MFHAS1: variants seen among roughly 807,000 people sequenced by gnomAD.
MFHAS1 encodes the protein multifunctional ROCO family signaling regulator 1.
MFHAS1 carries 50 observed loss-of-function variants against 70.4 expected under a neutral mutation model. That is an observed-to-expected ratio of 0.71 (90% CI 0.57 to 0.90). The LOEUF is 0.90. MFHAS1 is among the 40% of genes least tolerant of loss of function. MFHAS1 has a pLI of 0.00. For missense variants in MFHAS1, 1,795 were observed against 1,347.6 expected, an observed-to-expected ratio of 1.33 and a Z score of -5.20; for synonymous variants, 952 against 620.0, an observed-to-expected ratio of 1.54 and a Z score of -7.96.
At chr8:8,851,906 G>GA in intron 1 of MFHAS1, among the ~76,000 whole-genome samples, 1 of 152,134 alleles carries the variant, frequency 6.6e-6, no homozygotes, top group East Asian at 1.9e-4. Flanking sequence ...TGGTGACAGA[G>GA]AAAAAATGTT....
chr8:8,880,089 G>T (rs1025013032), intron 1 of MFHAS1, among the ~76,000 whole-genome samples: 1 of 152,188 alleles, frequency 6.6e-6, no homozygotes, highest in East Asian at 1.9e-4. Context: ...AACAGACCAG[G>T]AGGCTTGGAT....
In MFHAS1 at chr8:8,891,313, C is replaced by A; in HGVS notation, c.1746G>T (p.Arg582=). 6.2e-7 allele frequency: 1 copy of A among 1,611,336 alleles called. No homozygotes were observed. The change falls in exon 1 of 3, where the codon CGG becomes CGT. Residue 582 remains arginine, a synonymous_variant. Transcript: ENST00000276282. The surrounding 1 kb of genome is among the most constrained non-coding windows in gnomAD (Gnocchi z 5.4). ...GGCTGGCAGAGCGCAGCTCGAAGTC[C>A]CGGGCCAGTGCCTCGTCCACCACCT... ...LAKVVDEALA[R]DFELRSASPH...
intron 1 of MFHAS1, among the ~76,000 whole-genome samples, chr8:8,879,658 A>G (rs945392624): frequency 1.3e-5 from 2 of 152,164 alleles, no homozygotes; most frequent in African/African-American, 2.4e-5. Flanking sequence ...CCCCAAAGTA[A>G]CATTCAAATA....
intron 1 of MFHAS1, among the ~76,000 whole-genome samples, chr8:8,854,169 G>A (rs1424219139): frequency 6.6e-6 from 1 of 152,068 alleles, no homozygotes; most frequent in African/African-American, 2.4e-5. Context: ...GGCCAAGGTG[G>A]CAGGATGACT....
intron 1 of MFHAS1, among the ~76,000 whole-genome samples, chr8:8,810,753 T>C (rs1318449352): frequency 6.6e-6 from 1 of 152,224 alleles, no homozygotes; most frequent in African/African-American, 2.4e-5. Context: ...AAATGTTATA[T>C]GTGGATGTGA....
At chr8:8,816,911 T>C (rs1297991750) in intron 1 of MFHAS1, among the ~76,000 whole-genome samples, 1 of 152,234 alleles carries the variant, frequency 6.6e-6, no homozygotes, top group Non-Finnish European at 1.5e-5. Context: ...AAGACATATA[T>C]AAGCGTGGCT....
chr8:8,814,862 T>C (rs1480344688), intron 1 of MFHAS1, among the ~76,000 whole-genome samples: 3 of 151,476 alleles, frequency 2.0e-5, no homozygotes, highest in Admixed American at 6.6e-5. Context: ...TTTTTTTTTT[T>C]TTTTTCTTAT....
intron 1 of MFHAS1, among the ~76,000 whole-genome samples, chr8:8,815,266 T>C (rs940469366): frequency 7.9e-5 from 12 of 152,206 alleles, no homozygotes; most frequent in Non-Finnish European, 1.3e-4. Context: ...CAGTCTATCA[T>C]TGATGGGCAT....
intron 1 of MFHAS1, among the ~76,000 whole-genome samples, chr8:8,823,560 T>C (rs1807044429): frequency 6.6e-6 from 1 of 151,970 alleles, no homozygotes; most frequent in Admixed American, 6.6e-5. Flanking sequence ...TGTAAAAATA[T>C]ATTTTCTACT....
intron 1 of MFHAS1, among the ~76,000 whole-genome samples, chr8:8,848,320 C>T (rs1295176369): frequency 6.6e-6 from 1 of 151,892 alleles, no homozygotes; most frequent in Non-Finnish European, 1.5e-5. Flanking sequence ...TTACACACCG[C>T]TGAACCCGTG....
intron 1 of MFHAS1, among the ~76,000 whole-genome samples, chr8:8,860,243 G>A (rs1185306513): frequency 6.6e-6 from 1 of 152,146 alleles, no homozygotes; most frequent in Non-Finnish European, 1.5e-5. Flanking sequence ...CCCTTCTTGG[G>A]TACACTCTCT....
intron 1 of MFHAS1, among the ~76,000 whole-genome samples, chr8:8,873,856 C>T (rs1353178547): frequency 6.6e-6 from 1 of 152,124 alleles, no homozygotes; most frequent in Non-Finnish European, 1.5e-5. Flanking sequence ...ATTCTTGCTG[C>T]CACTGTTTTA....
In MFHAS1 at chr8:8,891,098, T is replaced by C. The variant is rs538507714; in HGVS notation, c.1961A>G (p.Asn654Ser). Residue 654 changes from asparagine (N) to serine (S), a missense_variant, in exon 1 of 3, where the codon AAC (asparagine) becomes AGC (serine). Transcript: ENST00000276282. The surrounding 1 kb of genome is among the most constrained non-coding windows in gnomAD (Gnocchi z 5.4). Reference protein sequence around the residue: ...SVAEHREIFPNLHRVLPRSWQ... With the variant: ...SVAEHREIFPSLHRVLPRSWQ... ...GGATCGAGGCAGTACTCTGTGTAAG[T>C]TGGGGAAGATCTCTCGGTGCTCAGC... is the stretch of plus-strand genomic sequence containing the variant. The C allele has an allele frequency of 4.3e-5, 70 of 1,613,850 alleles. No individual in the cohort carries two copies. Among genetic ancestry groups the C allele is most frequent in the East Asian group, 2.7e-4 (12 of 44,868 alleles).
At chr8:8,874,130 T>A (rs767644024) in intron 1 of MFHAS1, among the ~76,000 whole-genome samples, 2 of 152,116 alleles carry the variant, frequency 1.3e-5, no homozygotes, top group Non-Finnish European at 2.9e-5. Flanking sequence ...TAATTGCATC[T>A]CAAGAGTGTT....
chr8:8,812,601 G>T (rs1399247297), intron 1 of MFHAS1, among the ~76,000 whole-genome samples: 1 of 152,104 alleles, frequency 6.6e-6, no homozygotes, highest in Non-Finnish European at 1.5e-5. Context: ...TTTGACTGGG[G>T]TTTTTGCCCT....
At chr8:8,865,998 G>A (rs2116898205) in intron 1 of MFHAS1, among the ~76,000 whole-genome samples, 1 of 152,340 alleles carries the variant, frequency 6.6e-6, no homozygotes, top group East Asian at 1.9e-4. Context: ...GCCAAAGCAT[G>A]CCAACCTCAA....
chr8:8,832,732 G>A (rs1056330334), intron 1 of MFHAS1, among the ~76,000 whole-genome samples: 5 of 148,648 alleles, frequency 3.4e-5, no homozygotes, highest in African/African-American at 9.9e-5. Context: ...AGGCTCAAGC[G>A]TTCCTCCCAC....
At chr8:8,817,609 C>G (rs566083824) in intron 1 of MFHAS1, among the ~76,000 whole-genome samples, 67 of 152,246 alleles carry the variant, frequency 4.4e-4, no homozygotes, top group African/African-American at 1.6e-3. Flanking sequence ...GCTCTCGCCC[C>G]TCCTGTTCTC....
intron 1 of MFHAS1, among the ~76,000 whole-genome samples, chr8:8,848,224 T>C (rs1034148769): frequency 5.5e-4 from 83 of 152,196 alleles, no homozygotes; most frequent in African/African-American, 1.9e-3. Flanking sequence ...ATCTGCATCC[T>C]GCTGTTCTCA....
Sources: gnomAD v4.1 joint callset for allele counts (sites outside exome capture counted in the v4.1 genomes callset) on GRCh38, gnomAD v4.1.1 for gene constraint, Gnocchi (gnomAD v3.1) non-coding constraint, MANE v1.5 for transcripts, NCBI Gene and HGNC (gene_info 2026-07-23, HGNC 2026-07-21) for gene names.